CNTN5: variants seen among roughly 807,000 people sequenced by gnomAD.
CNTN5 encodes the protein contactin 5.
A neutral mutation model predicts 129.1 loss-of-function variants in CNTN5; 77 were observed. The ratio of observed to expected loss-of-function variants is 0.60; its 90% confidence interval spans 0.50 to 0.72. The LOEUF (loss-of-function observed/expected upper bound fraction) is 0.72, where lower values mean the gene tolerates loss of function less well. Among genes scored for constraint, CNTN5 ranks in the 30% least tolerant of loss-of-function variants. The pLI, the probability that CNTN5 is intolerant of heterozygous loss-of-function variation, is 0.00. For missense variants in CNTN5, 1,478 were observed against 1,328.8 expected (o/e 1.11, Z -1.75); for synonymous variants, 509 against 465.6 (o/e 1.09, Z -1.20).
chr11:99,908,412 A>C (rs1949567553), intron 6 of CNTN5, among the ~76,000 whole-genome samples: 2 of 152,006 alleles, frequency 1.3e-5, no homozygotes. Flanking sequence ...GTAGTACTCA[A>C]ACTCTCTGTG....
chr11:99,676,426 C>A (rs1953286903), intron 3 of CNTN5, among the ~76,000 whole-genome samples: 6 of 152,142 alleles, frequency 3.9e-5, no homozygotes. Context: ...AGACTACATG[C>A]TTTTTGTCAC....
chr11:99,649,559 C>A (rs769804475), intron 3 of CNTN5, among the ~76,000 whole-genome samples: 1 of 151,736 alleles, frequency 6.6e-6, no homozygotes, highest in East Asian at 1.9e-4. Flanking sequence ...TGGTGACCTG[C>A]AGAACTTCCA....
chr11:99,812,686 T>C (rs1946465151), intron 3 of CNTN5, among the ~76,000 whole-genome samples: 1 of 152,108 alleles, frequency 6.6e-6, no homozygotes, highest in South Asian at 2.1e-4. Context: ...GCCATCTGAC[T>C]TTGGAACCTC....
At chr11:99,925,355 G>A (rs1210157683) in intron 7 of CNTN5, among the ~76,000 whole-genome samples, 1 of 152,166 alleles carries the variant, frequency 6.6e-6, no homozygotes, top group Non-Finnish European at 1.5e-5. Flanking sequence ...GAAAATAGCT[G>A]AATTTATAAA....
chr11:100,128,146 C>T (rs149966572), intron 13 of CNTN5, among the ~76,000 whole-genome samples: 5 of 152,224 alleles, frequency 3.3e-5, no homozygotes, highest in East Asian at 3.9e-4. Context: ...CAATTGCCTA[C>T]TGAACATCTC....
chr11:99,214,723 C>T (rs1290905378), intron 1 of CNTN5, among the ~76,000 whole-genome samples: 4 of 152,002 alleles, frequency 2.6e-5, no homozygotes, highest in Non-Finnish European at 4.4e-5. Context: ...ACACATTACT[C>T]TCAATGTAAA....
intron 1 of CNTN5, among the ~76,000 whole-genome samples, chr11:99,144,497 C>T (rs2135470797): frequency 6.6e-6 from 1 of 152,272 alleles, no homozygotes; most frequent in Non-Finnish European, 1.5e-5. Flanking sequence ...TTTTCCACTA[C>T]TGTTTCATCA....
At chr11:99,522,766 T>G (rs10750310) in intron 2 of CNTN5, among the ~76,000 whole-genome samples, 42,375 of 152,088 alleles carry the variant, frequency 0.28, 6,335 homozygotes, top group East Asian at 0.42. Context: ...CATATTTAAA[T>G]ACTGGCATCT....
intron 2 of CNTN5, among the ~76,000 whole-genome samples, chr11:99,382,844 ACTTTTTTTTTTT>A (rs1447100195): frequency 7.2e-5 from 5 of 69,402 alleles, no homozygotes; most frequent in African/African-American, 7.2e-5. Flanking sequence ...TCTCTAAATA[ACTTTTTTTTTTT>A]TTTTTTTTTT....
At chr11:100,070,817 C>T (rs1943893149) in intron 11 of CNTN5, among the ~76,000 whole-genome samples, 1 of 152,016 alleles carries the variant, frequency 6.6e-6, no homozygotes, top group Non-Finnish European at 1.5e-5. Context: ...ATTTTAATTA[C>T]CTCATTACAT....
chr11:100,088,945 C>T (rs981465485), intron 13 of CNTN5, among the ~76,000 whole-genome samples: 1 of 151,956 alleles, frequency 6.6e-6, no homozygotes, highest in Non-Finnish European at 1.5e-5. Flanking sequence ...AAGAAAGCTA[C>T]AGGCCAATAT....
At chr11:99,156,718 G>A (rs561991151) in intron 1 of CNTN5, among the ~76,000 whole-genome samples, 180 of 151,922 alleles carry the variant, frequency 1.2e-3, no homozygotes, top group African/African-American at 4.3e-3. Context: ...GATAATATAT[G>A]CTTTGTCAAT....
chr11:99,862,923 T>G (rs1280730657), intron 6 of CNTN5, among the ~76,000 whole-genome samples: 1 of 152,118 alleles, frequency 6.6e-6, no homozygotes, highest in African/African-American at 2.4e-5. Flanking sequence ...GAGAAGTCGA[T>G]CTGGGGAAGT....
intron 3 of CNTN5, among the ~76,000 whole-genome samples, chr11:99,716,033 A>G (rs1010309580): frequency 6.6e-6 from 1 of 151,432 alleles, no homozygotes; most frequent in African/African-American, 2.4e-5. Context: ...TTTAAAAAAA[A>G]GTTTGGAAGA....
intron 2 of CNTN5, among the ~76,000 whole-genome samples, chr11:99,365,635 T>G (rs1469666505): frequency 6.6e-6 from 1 of 152,174 alleles, no homozygotes; most frequent in African/African-American, 2.4e-5. Flanking sequence ...GTAATTCTGA[T>G]AGTATGTTTC....
chr11:100,071,697 C>T lies in CNTN5; in HGVS notation c.1300-8C>T. The T allele has an allele frequency of 6.5e-7, 1 of 1,548,784 alleles. No homozygotes were observed. The highest frequency in any genetic ancestry group is 1.2e-5 in the South Asian group (1 of 81,298). On this transcript the variant is annotated splice_polypyrimidine_tract_variant and splice_region_variant and intron_variant, in intron 11 of 24. Transcript: ENST00000524871. ...TTTCTAGATCTAATTTTTTTAATTC[C>T]ATTACAGAGTAGGGTTGAGATGGTT...
At chr11:99,224,319 T>C (rs1860561621) in intron 1 of CNTN5, among the ~76,000 whole-genome samples, 1 of 152,172 alleles carries the variant, frequency 6.6e-6, no homozygotes, top group Non-Finnish European at 1.5e-5. Flanking sequence ...ATTATTATCT[T>C]AGGGAGATTT....
chr11:100,207,848 A>G (rs1948948108), intron 15 of CNTN5, among the ~76,000 whole-genome samples: 1 of 152,204 alleles, frequency 6.6e-6, no homozygotes, highest in Non-Finnish European at 1.5e-5. Context: ...TTAAACTGCA[A>G]ACATTTCAAT....
At chr11:100,067,233 T>G (rs1943732619) in intron 10 of CNTN5, among the ~76,000 whole-genome samples, 1 of 152,108 alleles carries the variant, frequency 6.6e-6, no homozygotes, top group Admixed American at 6.6e-5. Flanking sequence ...GACATTAAAT[T>G]TATTTTTCTA....
Sources: allele counts gnomAD v4.1 joint callset (sites outside exome capture counted in the v4.1 genomes callset), GRCh38; gene constraint gnomAD v4.1.1; transcripts MANE v1.5; gene names NCBI Gene and HGNC (gene_info 2026-07-23, HGNC 2026-07-21).